TMEM235: variants seen among roughly 807,000 people sequenced by gnomAD.
The protein encoded by TMEM235 is transmembrane protein 235.
A neutral mutation model predicts 22.9 loss-of-function variants in TMEM235; 23 were observed. The ratio of observed to expected loss-of-function variants is 1.00; its 90% CI spans 0.72 to 1.42. TMEM235 has a LOEUF of 1.42. Among genes scored for constraint, TMEM235 ranks in the 40% most tolerant of loss-of-function variants. TMEM235 has a pLI of 0.00. For missense variants in TMEM235, 308 were observed against 299.5 expected (o/e 1.03, Z -0.21); for synonymous variants, 137 against 140.5 (o/e 0.98, Z 0.17).
At chr17:78,234,830 C>T in intron 4 of TMEM235, 100 bp downstream of exon 3, 1 of 1,453,402 alleles carries the variant, frequency 6.9e-7, no homozygotes, top group Non-Finnish European at 9.2e-7. Context: ...GTCCCCTGCT[C>T]CCTTCTGGGC....
At chr17:78,235,214 A>T (rs8078121) in intron 4 of TMEM235, among the ~76,000 whole-genome samples, 1 of 152,044 alleles carries the variant, frequency 6.6e-6, no homozygotes, top group Non-Finnish European at 1.5e-5. Context: ...TGACAATCAC[A>T]GGCGGAAGGC....
At chr17:78,236,309 G>C (rs955546630) in intron 4 of TMEM235, among the ~76,000 whole-genome samples, 1 of 152,218 alleles carries the variant, frequency 6.6e-6, no homozygotes, top group Non-Finnish European at 1.5e-5. Context: ...CAAGGGTTCC[G>C]GGGTTTGGCA....
rs569344531 is a variant in TMEM235, at chr17:78,236,201, C to A, written c.409+1471C>A. On this transcript the variant is annotated intron_variant, in intron 4 of 5. Transcript: ENST00000421688. ...GGGGGCATGAGGGCCTCCAGGGCAA[C>A]CCCAGGACCTGCTCTACTGGGTCAG... Among the ~76,000 whole-genome samples the A allele has an allele frequency of 2.0e-5, 3 of 152,332 alleles. No individual in the cohort carries two copies. The South Asian group carries it at 6.2e-4, about 32-fold the overall frequency.
chr17:78,232,119 C>T (rs1181274059), exon 2 of TMEM235: 2 of 1,483,338 alleles, frequency 1.3e-6, no homozygotes, highest in Admixed American at 2.3e-5. Context: ...ACTACTGGTA[C>T]ATCCTGGAGG....
Position 78,238,907 on chromosome 17 carries a change from C to A in TMEM235, c.410-117C>A, listed in dbSNP as rs2145927539. On this transcript the variant is annotated intron_variant, in intron 4 of 5. Transcript: ENST00000421688. This position sits in a 1 kb window ranked among gnomAD's most constrained non-coding sequence, Gnocchi z 4.3. ...GACAGGAAGGGCGGTGTGCTGCCTGCAGCTCTGCCTGAATGCTAGCGGGGC... is the reference window on the plus strand; with the variant it reads ...GACAGGAAGGGCGGTGTGCTGCCTGAAGCTCTGCCTGAATGCTAGCGGGGC... 1 of 1,421,910 alleles carries A rather than the reference C, an allele frequency of 7.0e-7. No homozygotes were observed. The highest frequency in any genetic ancestry group is 9.3e-7 in the Non-Finnish European group (1 of 1,074,764). 88.1% of individuals were successfully genotyped at this position (1,421,910 alleles called of 1,614,324 possible).
chr17:78,240,697 C>G (rs1045385629), exon 6 of TMEM235: 10 of 152,214 alleles, frequency 6.6e-5, no homozygotes, highest in Non-Finnish European at 2.9e-5. Flanking sequence ...CCTGCCCCAC[C>G]CCTAGGTCTC....
At chr17:78,234,518 T>A (rs2076620799) in intron 3 of TMEM235, 75 bp from the exon 3 acceptor site, 1 of 1,524,452 alleles carries the variant, frequency 6.6e-7, no homozygotes, top group African/African-American at 1.4e-5. Flanking sequence ...AAGCACCACG[T>A]CACTGTCCTC....
rs2076661876 is a variant in TMEM235, at chr17:78,237,907, C to T, written c.410-1117C>T. On this transcript the variant is annotated intron_variant, in intron 4 of 5. Coordinates refer to ENST00000421688, the Ensembl canonical transcript of TMEM235. The surrounding 1 kb of genome is among the most constrained non-coding windows in gnomAD (Gnocchi z 4.7). The stretch of plus-strand genomic sequence containing the variant: ...CAAGTTTGGTTCCCAGGAGGAATCA[C>T]AGAAGACCAGGCTGTGTTGTGCCCC... 6.6e-6 allele frequency among the ~76,000 whole-genome samples: 1 copy of T among 152,194 alleles called. No individual in the cohort carries two copies. Among genetic ancestry groups the T allele is most frequent in the Non-Finnish European group, 1.5e-5 (1 of 68,040 alleles).
rs1347833444 is a variant in TMEM235 at position 78,234,723 on chromosome 17, G to T, written c.402G>T (p.Leu134=). The change falls in exon 4 of 6, where the codon CTG becomes CTT. Residue 134 remains leucine (L), a synonymous_variant. Coordinates refer to ENST00000421688, the Ensembl canonical transcript of TMEM235. ...TGCTTTTCACCGGCTGCTACTTCCT[G>T]CTGGGGAGTGAGTCTGGGGCCCTGG... 2.6e-6 allele frequency: 4 copies of T among 1,536,160 alleles called. No individual in the cohort carries two copies. In the South Asian group the frequency reaches 3.6e-5, roughly 14 times the overall value.
At chr17:78,231,512 G>A in exon 2 of TMEM235, 1 of 1,304,244 alleles carries the variant, frequency 7.7e-7, no homozygotes, top group Non-Finnish European at 1.0e-6. Context: ...TACAGACCAG[G>A]ACCCCAGGGC....
chr17:78,238,668 C>T lies in TMEM235; in HGVS notation c.410-356C>T, dbSNP rs1235264756. On this transcript the variant is annotated intron_variant, in intron 4 of 5. Transcript: ENST00000421688. This position sits in a 1 kb window ranked among gnomAD's most constrained non-coding sequence, Gnocchi z 4.3. Reference sequence around the variant, plus strand: ...TGGAGGGTACAGAGTGTGTGGGGGGCAGTTATGTGAGTGGGAACCATGTTG... The same window carrying T: ...TGGAGGGTACAGAGTGTGTGGGGGGTAGTTATGTGAGTGGGAACCATGTTG... Among the ~76,000 whole-genome samples the T allele has an allele frequency of 7.0e-6, 1 of 143,578 alleles. No individual in the cohort carries two copies. Among genetic ancestry groups the T allele is most frequent in the Non-Finnish European group, 1.5e-5 (1 of 65,614 alleles). The allele number at this position is 143,578 out of a possible 152,430, so 94.2% of individuals were successfully genotyped here. A position where few individuals can be genotyped will look rare whatever the true frequency, so the allele number is the denominator to read the frequency against.
At position 78,239,787 on chromosome 17, in the gene TMEM235, G is replaced by T. The variant is rs924601848; in HGVS notation, c.667G>T (p.Asp223Tyr). ...CCTTTATCCATTTTACAGAGGGGGA[G>T]ACTGAGGCCCAGAGCGGCAGAGGGA... Residue 223 changes from aspartate to tyrosine, a missense_variant, in exon 6 of 6, where the codon GAC becomes TAC. Physicochemically the swap from Asp to Tyr is radical, Grantham distance 160. Coordinates refer to ENST00000421688, the Ensembl canonical transcript of TMEM235. 1.9e-6 allele frequency: 3 copies of T among 1,546,302 alleles called. No homozygotes were observed. The East Asian group carries it at 7.4e-5, about 38-fold the overall frequency.
At chr17:78,233,819 G>C in intron 2 of TMEM235, 76 bp from the exon 2 acceptor site, 1 of 1,382,740 alleles carries the variant, frequency 7.2e-7, no homozygotes, top group Non-Finnish European at 9.9e-7. Flanking sequence ...GGTGCCAGGG[G>C]GTCCCCTGGG....
chr17:78,233,892 C>T lies in TMEM235; in HGVS notation c.191-3C>T. 6.5e-7 allele frequency: 1 copy of T among 1,535,904 alleles called. No homozygotes were observed. The highest frequency in any genetic ancestry group is 1.4e-5 in the African/African-American group (1 of 73,112). On this transcript the variant is annotated splice_region_variant and splice_polypyrimidine_tract_variant and intron_variant, in intron 2 of 5. Coordinates refer to ENST00000421688, the Ensembl canonical transcript of TMEM235. ...CCCAGGCTTCGAGGCCTATGTTTCC[C>T]AGGGCAGAACGGCTGCATCCCGCTG... is the stretch of plus-strand genomic sequence containing the variant.
At chr17:78,232,505 G>C (rs112544044) in intron 2 of TMEM235, among the ~76,000 whole-genome samples, 1 of 152,180 alleles carries the variant, frequency 6.6e-6, no homozygotes, top group African/African-American at 2.4e-5. Context: ...TGTGTAGTTG[G>C]GGGGCCTCAT....
chr17:78,232,988 AGTGT>A (rs938038867), intron 2 of TMEM235, among the ~76,000 whole-genome samples: 3 of 152,034 alleles, frequency 2.0e-5, no homozygotes, highest in Non-Finnish European at 4.4e-5. Context: ...TGCATGTGAG[AGTGT>A]GTGGGCATGT....
exon 2 of TMEM235, chr17:78,231,721 C>G: frequency 8.0e-7 from 1 of 1,252,918 alleles, no homozygotes; most frequent in Non-Finnish European, 1.0e-6. Context: ...GCCCAGGGAC[C>G]CGGGGCCAGC....
chr17:78,234,874 C>A, intron 4 of TMEM235, 144 bp downstream of exon 3: 1 of 1,089,040 alleles, frequency 9.2e-7, no homozygotes, highest in African/African-American at 1.6e-5. Context: ...CCGTGGCAGG[C>A]AGCTCCCTGT....
intron 5 of TMEM235, 79 bp downstream of exon 4, chr17:78,239,352 C>T: frequency 6.9e-7 from 1 of 1,453,452 alleles, no homozygotes; most frequent in East Asian, 2.5e-5. Context: ...GTCTGGGAAT[C>T]CCTTCTCTGG....
Sources: gnomAD v4.1 joint callset for allele counts (sites outside exome capture counted in the v4.1 genomes callset) on GRCh38, gnomAD v4.1.1 for gene constraint, Gnocchi (gnomAD v3.1) non-coding constraint, MANE v1.5 for transcripts, NCBI Gene and HGNC (gene_info 2026-07-23, HGNC 2026-07-21) for gene names.